PRRG1: variants seen among roughly 807,000 people sequenced by gnomAD.
PRRG1 encodes the protein transmembrane gamma-carboxyglutamic acid protein 1.
In PRRG1, 5 loss-of-function variants were observed where a neutral mutation model predicts 11.8. The observed-to-expected ratio is 0.42, with a 90% CI of 0.22 to 0.89. PRRG1 has a LOEUF of 0.89. Ranked by LOEUF, PRRG1 falls within the 40% of genes least tolerant of loss-of-function variation. PRRG1 has a pLI of 0.28. For synonymous variants in PRRG1, 66 were observed against 60.4 expected, an observed-to-expected ratio of 1.09 and a Z score of -0.43; for missense variants, 155 against 166.1, an observed-to-expected ratio of 0.93 and a Z score of 0.37.
At chrX:37,404,293 C>T (rs1013333050) in intron 1 of PRRG1, among the ~76,000 whole-genome samples, 1 of 111,746 alleles carries the variant, frequency 8.9e-6, no homozygotes, top group Non-Finnish European at 1.9e-5. Flanking sequence ...TATATCACTA[C>T]CCTGTTTAAC....
At chrX:37,440,573 TAA>T (rs781822584) in intron 3 of PRRG1, among the ~76,000 whole-genome samples, 21 of 112,265 alleles carry the variant, frequency 1.9e-4, no homozygotes, top group African/African-American at 6.8e-4. Flanking sequence ...TAGTTCTATC[TAA>T]AGTTATTGAA....
At chrX:37,403,155 A>T (rs1309903955) in intron 1 of PRRG1, among the ~76,000 whole-genome samples, 10 of 109,679 alleles carry the variant, frequency 9.1e-5, no homozygotes, top group African/African-American at 3.3e-4. Flanking sequence ...ACTATAAATC[A>T]TGCTGCTATA....
chrX:37,386,373 A>C (rs1325055835), intron 1 of PRRG1, among the ~76,000 whole-genome samples: 1 of 111,776 alleles, frequency 8.9e-6, no homozygotes, highest in African/African-American at 3.3e-5. Flanking sequence ...TTTGAAGTGT[A>C]CAACTGGAGA....
intron 1 of PRRG1, among the ~76,000 whole-genome samples, chrX:37,399,798 A>C (rs782439780): frequency 0.019 from 2,011 of 105,835 alleles, 51 homozygotes; most frequent in African/African-American, 0.061. Context: ...TCTACCAAGC[A>C]AATGGAAAAC....
chrX:37,440,806 C>G, intron 3 of PRRG1: 1 of 510,566 alleles, frequency 2.0e-6, no homozygotes. Context: ...TGTTCTGTTG[C>G]CAAGGCTGGA....
In PRRG1 at chrX:37,380,866, A is replaced by G. The variant is rs781877329; in HGVS notation, c.-41-25343A>G. ...ATAACCATATAATAACAAACATCCT[A>G]TTTTCTTTTGGCTGATTGATCCCAG... is the stretch of plus-strand genomic sequence containing the variant. On this transcript the variant is annotated intron_variant, in intron 1 of 3. Coordinates refer to ENST00000378628, the MANE Select transcript of PRRG1 (RefSeq NM_001142395.2). Among the ~76,000 whole-genome samples the G allele has an allele frequency of 8.1e-5, 9 of 111,177 alleles. No homozygotes were observed. The South Asian group carries it at 3.4e-3, about 42-fold the overall frequency.
chrX:37,408,219 A>G (rs915308210), intron 2 of PRRG1, among the ~76,000 whole-genome samples: 10 of 111,335 alleles, frequency 9.0e-5, no homozygotes, highest in African/African-American at 2.0e-4. Context: ...AACGACACAG[A>G]TACACGTGGA....
Position 37,382,296 on chromosome X carries a change from A to G in PRRG1, c.-41-23913A>G, listed in dbSNP as rs1204137035. ...GATAACCCCCCTGTTTAATTTTACC[A>G]GTAGTATGCACGTGCTTGCCCCAAA... On this transcript the variant is annotated intron_variant, in intron 1 of 3. Coordinates refer to ENST00000378628, the MANE Select transcript of PRRG1 (RefSeq NM_001142395.2). Among the ~76,000 whole-genome samples the G allele has an allele frequency of 2.7e-5, 3 of 111,507 alleles. No homozygotes were observed. In the Admixed American group the frequency reaches 2.9e-4, roughly 11 times the overall value.
At chrX:37,452,750 G>C (rs140555132) in intron 3 of PRRG1, among the ~76,000 whole-genome samples, 1,369 of 112,227 alleles carry the variant, frequency 0.012, 7 homozygotes, top group Non-Finnish European at 0.018. Flanking sequence ...GGGATCATGT[G>C]ATGAGAATCT....
intron 2 of PRRG1, among the ~76,000 whole-genome samples, chrX:37,409,529 A>G (rs933868470): frequency 2.7e-5 from 3 of 112,639 alleles, no homozygotes; most frequent in African/African-American, 9.7e-5. Context: ...TTACAAATAC[A>G]GAAGCTTGTG....
intron 1 of PRRG1, among the ~76,000 whole-genome samples, chrX:37,354,419 G>A (rs1209545779): frequency 9.5e-6 from 1 of 105,491 alleles, no homozygotes; most frequent in Non-Finnish European, 1.9e-5. Flanking sequence ...TTGGGACAGA[G>A]TCTCACTCTG....
intron 3 of PRRG1, among the ~76,000 whole-genome samples, chrX:37,451,231 C>T (rs1382592452): frequency 1.8e-5 from 2 of 111,606 alleles, no homozygotes; most frequent in Non-Finnish European, 3.8e-5. Context: ...TTGGTCAGGC[C>T]GGTCTCGAAC....
intron 1 of PRRG1, among the ~76,000 whole-genome samples, chrX:37,370,356 A>G (rs1163016661): frequency 8.9e-6 from 1 of 111,979 alleles, no homozygotes; most frequent in Non-Finnish European, 1.9e-5. Flanking sequence ...TATATACCCC[A>G]TAGTGGAATT....
intron 1 of PRRG1, among the ~76,000 whole-genome samples, chrX:37,387,018 C>T (rs1295599162): frequency 9.0e-6 from 1 of 111,519 alleles, no homozygotes; most frequent in Non-Finnish European, 1.9e-5. Flanking sequence ...ACTTCTCTGT[C>T]ACCTCCCTCT....
intron 3 of PRRG1, among the ~76,000 whole-genome samples, chrX:37,428,316 G>A (rs782070645): frequency 5.1e-4 from 57 of 111,618 alleles, no homozygotes; most frequent in South Asian, 4.6e-3. Flanking sequence ...GAGACAAGGC[G>A]TGTCCCTTCC....
chrX:37,443,966 AATT>A (rs1394317218), intron 3 of PRRG1, among the ~76,000 whole-genome samples: 6 of 112,329 alleles, frequency 5.3e-5, no homozygotes, highest in Admixed American at 3.8e-4. Flanking sequence ...AAAAGATAAA[AATT>A]ACAGGTTTTG....
In PRRG1 at chrX:37,454,955, T is replaced by C. The variant is rs1209435093; in HGVS notation, c.*1334T>C. On this transcript the variant is annotated 3_prime_UTR_variant, in exon 4 of 4. Transcript: ENST00000378628. ...TTGTATGCACTGATGGCAAATTCATTAGGTCAGTTAAGGGAAATATTTGTA... is the reference window on the plus strand; with the variant it reads ...TTGTATGCACTGATGGCAAATTCATCAGGTCAGTTAAGGGAAATATTTGTA... 1 of 112,293 alleles carries C rather than the reference T, an allele frequency of 8.9e-6. No homozygotes were observed. The highest frequency in any genetic ancestry group is 1.9e-5 in the Non-Finnish European group (1 of 53,287). The allele number at this position is 112,293 out of a possible 1,213,427, so 9.3% of individuals were successfully genotyped here. A position where few individuals can be genotyped will look rare whatever the true frequency, so the allele number is the denominator to read the frequency against.
chrX:37,407,508 G>A (rs148923745), intron 2 of PRRG1, among the ~76,000 whole-genome samples: 3,067 of 111,544 alleles, frequency 0.027, 106 homozygotes, highest in African/African-American at 0.094. Context: ...ACTGGATACA[G>A]AAGGCCTGAA....
Position 37,375,496 on chromosome X carries a change from A to C in PRRG1, c.-42+26101A>C, listed in dbSNP as rs782074276. ...CAATACAATAATACAAAATAACACA[A>C]ATAAAAATTGCAGTATAGCAACTAT... On this transcript the variant is annotated intron_variant, in intron 1 of 3. Transcript: ENST00000378628. 1.3e-3 allele frequency among the ~76,000 whole-genome samples: 149 copies of C among 112,033 alleles called. 3 individuals are homozygous for C. Among genetic ancestry groups the C allele is most frequent in the Non-Finnish European group, 3.2e-4 (17 of 53,107 alleles).
Sources: allele counts gnomAD v4.1 joint callset (sites outside exome capture counted in the v4.1 genomes callset), GRCh38; gene constraint gnomAD v4.1.1; transcripts MANE v1.5; gene names NCBI Gene and HGNC (gene_info 2026-07-23, HGNC 2026-07-21).